Variants in CAMKMT observed in about 807,000 individuals in gnomAD.
CAMKMT encodes calmodulin-lysine N-methyltransferase.
CAMKMT carries 53 observed loss-of-function variants against 48.0 expected under a neutral mutation model. The observed-to-expected ratio is 1.10, with a 90% CI of 0.89 to 1.39. The LOEUF is 1.39. Ranked by LOEUF, CAMKMT falls within the 40% of genes most tolerant of loss-of-function variation. CAMKMT has a pLI of 0.00. For synonymous variants in CAMKMT, 165 were observed against 152.3 expected (o/e 1.08, Z -0.61); for missense variants, 428 against 402.7 (o/e 1.06, Z -0.54).
intron 8 of CAMKMT, among the ~76,000 whole-genome samples, chr2:44,749,393 C>T (rs1040788871): frequency 6.6e-6 from 1 of 152,194 alleles, no homozygotes; most frequent in Non-Finnish European, 1.5e-5. Flanking sequence ...ACATAAGCTC[C>T]TCAATTCCAA....
chr2:44,504,261 C>T (rs1670150364), intron 3 of CAMKMT, among the ~76,000 whole-genome samples: 1 of 152,104 alleles, frequency 6.6e-6, no homozygotes, highest in Non-Finnish European at 1.5e-5. Context: ...CCTATCTTCC[C>T]CCAGAATCCT....
At chr2:44,713,136 C>G (rs1313974433) in intron 6 of CAMKMT, among the ~76,000 whole-genome samples, 2 of 152,042 alleles carry the variant, frequency 1.3e-5, no homozygotes, top group Non-Finnish European at 2.9e-5. Context: ...CACCTGGAGT[C>G]ACAGGTTTAT....
chr2:44,430,855 A>T (rs1281423174), intron 3 of CAMKMT, among the ~76,000 whole-genome samples: 2 of 152,202 alleles, frequency 1.3e-5, no homozygotes, highest in East Asian at 1.9e-4. Context: ...GGTAAATTAC[A>T]TGAGATTAGG....
chr2:44,739,141 G>A (rs1233333207), intron 7 of CAMKMT, among the ~76,000 whole-genome samples: 2 of 152,188 alleles, frequency 1.3e-5, no homozygotes, highest in Admixed American at 1.3e-4. Flanking sequence ...AGAGAGAAAA[G>A]GCTCATGATC....
chr2:44,445,930 T>G (rs974550601), intron 3 of CAMKMT, among the ~76,000 whole-genome samples: 1 of 152,064 alleles, frequency 6.6e-6, no homozygotes, highest in Non-Finnish European at 1.5e-5. Context: ...CTGACTGCCA[T>G]TTTCCCCAAA....
intron 3 of CAMKMT, among the ~76,000 whole-genome samples, chr2:44,681,029 T>C (rs1320748741): frequency 6.6e-6 from 1 of 152,184 alleles, no homozygotes; most frequent in African/African-American, 2.4e-5. Flanking sequence ...TGCTCCAACA[T>C]GTTATCATTT....
intron 3 of CAMKMT, among the ~76,000 whole-genome samples, chr2:44,476,982 G>C (rs550168551): frequency 6.6e-6 from 1 of 152,234 alleles, no homozygotes; most frequent in East Asian, 1.9e-4. Context: ...CTTTTATACA[G>C]TCATATCAAT....
rs1024413433 is a variant in CAMKMT, at chr2:44,374,964, T to C, written c.311+2076T>C. Among the ~76,000 whole-genome samples the C allele has an allele frequency of 5.9e-5, 9 of 152,104 alleles. 1 individual carries two copies. Among genetic ancestry groups the C allele is most frequent in the Admixed American group, 5.9e-4 (9 of 15,262 alleles). On this transcript the variant is annotated intron_variant, in intron 2 of 10. Coordinates refer to ENST00000378494, the MANE Select transcript of CAMKMT (RefSeq NM_024766.5). ...TGGCAACATAGGGAAACCCTGTCTC[T>C]ACAAAAAATTTTAAAAATTAGCCAG...
intron 1 of CAMKMT, among the ~76,000 whole-genome samples, chr2:44,363,924 C>A (rs1678311966): frequency 6.6e-6 from 1 of 151,610 alleles, no homozygotes; most frequent in African/African-American, 2.4e-5. Flanking sequence ...CTCCTGACCT[C>A]AGGTGATTCA....
chr2:44,613,186 A>G (rs1430691507), intron 3 of CAMKMT, among the ~76,000 whole-genome samples: 3 of 152,188 alleles, frequency 2.0e-5, no homozygotes, highest in Admixed American at 6.5e-5. Context: ...TTTGTTTTTT[A>G]TTTATGTAAT....
At chr2:44,585,383 A>G (rs1669802013) in intron 3 of CAMKMT, among the ~76,000 whole-genome samples, 1 of 152,234 alleles carries the variant, frequency 6.6e-6, no homozygotes, top group Non-Finnish European at 1.5e-5. Flanking sequence ...TCAGCCACAC[A>G]TGACATTTTA....
At chr2:44,439,854 T>TA in intron 3 of CAMKMT, among the ~76,000 whole-genome samples, 1 of 152,076 alleles carries the variant, frequency 6.6e-6, no homozygotes, top group South Asian at 2.1e-4. Flanking sequence ...TGGGAGGACT[T>TA]ACATCCATCT....
At chr2:44,526,258 C>T (rs1289528483) in intron 3 of CAMKMT, among the ~76,000 whole-genome samples, 1 of 152,142 alleles carries the variant, frequency 6.6e-6, no homozygotes, top group South Asian at 2.1e-4. Flanking sequence ...TTAATATTGT[C>T]TGCCTAGAAA....
At chr2:44,401,800 C>G (rs1269885702) in intron 3 of CAMKMT, among the ~76,000 whole-genome samples, 1 of 151,992 alleles carries the variant, frequency 6.6e-6, no homozygotes, top group African/African-American at 2.4e-5. Context: ...TTTTCTGAAG[C>G]CTTCTGATGT....
chr2:44,677,723 G>A (rs1021641896), intron 3 of CAMKMT, among the ~76,000 whole-genome samples: 19 of 147,406 alleles, frequency 1.3e-4, no homozygotes, highest in Middle Eastern at 3.6e-3. Flanking sequence ...AAAAAAAAGC[G>A]TATTTACTTT....
intron 3 of CAMKMT, among the ~76,000 whole-genome samples, chr2:44,431,908 C>A (rs921162887): frequency 6.6e-6 from 1 of 152,110 alleles, no homozygotes; most frequent in African/African-American, 2.4e-5. Flanking sequence ...CAATTTACTT[C>A]CTGGAAATGA....
chr2:44,752,726 G>A (rs572786996), intron 8 of CAMKMT, among the ~76,000 whole-genome samples: 5 of 152,164 alleles, frequency 3.3e-5, no homozygotes, highest in Non-Finnish European at 7.3e-5. Flanking sequence ...GGTCTCTTCT[G>A]CCAAGATGAC....
intron 9 of CAMKMT, among the ~76,000 whole-genome samples, chr2:44,761,084 A>C (rs1339026050): frequency 1.3e-5 from 2 of 152,140 alleles, no homozygotes; most frequent in African/African-American, 4.8e-5. Flanking sequence ...GGTGTGGGCA[A>C]CCCTTGGGGG....
chr2:44,546,266 A>G (rs1667399035), intron 3 of CAMKMT, among the ~76,000 whole-genome samples: 1 of 151,434 alleles, frequency 6.6e-6, no homozygotes, highest in South Asian at 2.1e-4. Flanking sequence ...TTTAGCCCTA[A>G]AATCTCCTTC....
Sources: allele counts gnomAD v4.1 joint callset (sites outside exome capture counted in the v4.1 genomes callset), GRCh38; gene constraint gnomAD v4.1.1; transcripts MANE v1.5; gene names NCBI Gene and HGNC (gene_info 2026-07-23, HGNC 2026-07-21).